Variants in INTU observed in about 807,000 individuals in gnomAD.
The protein encoded by INTU is inturned planar cell polarity protein.
In INTU, 68 loss-of-function variants were observed where a neutral mutation model predicts 100.5. The ratio of observed to expected loss-of-function variants is 0.68; its 90% CI spans 0.56 to 0.83. The LOEUF (loss-of-function observed/expected upper bound fraction) is 0.83. Among genes scored for constraint, INTU ranks in the 40% least tolerant of loss-of-function variants. The pLI, the probability that INTU is intolerant of heterozygous loss-of-function variation, is 0.00. For missense variants in INTU, 1,071 were observed against 1,114.7 expected (o/e 0.96, Z 0.56); for synonymous variants, 357 against 395.7 (o/e 0.90, Z 1.16).
At chr4:127,704,375 A>G in intron 10 of INTU, 85 bp downstream of exon 10, 1 of 988,674 alleles carries the variant, frequency 1.0e-6, no homozygotes, top group Non-Finnish European at 1.6e-6. Context: ...TGAAAAATAC[A>G]TTTATCTCTT....
At chr4:127,654,429 A>G (rs1401556120) in intron 2 of INTU, among the ~76,000 whole-genome samples, 2 of 151,594 alleles carry the variant, frequency 1.3e-5, no homozygotes, top group Non-Finnish European at 1.5e-5. Context: ...TGGTGACAAA[A>G]TCTCTCAGCA....
At chr4:127,711,588 G>A (rs888139899) in intron 14 of INTU, among the ~76,000 whole-genome samples, 1 of 152,206 alleles carries the variant, frequency 6.6e-6, no homozygotes, top group Non-Finnish European at 1.5e-5. Context: ...ACAGCAGGAG[G>A]TGAGTGGCGG....
chr4:127,681,949 G>C (rs1451373268), intron 6 of INTU, among the ~76,000 whole-genome samples: 18 of 151,956 alleles, frequency 1.2e-4, no homozygotes, highest in Admixed American at 1.2e-3. Flanking sequence ...CGAAGGACAT[G>C]AACAGATACT....
chr4:127,697,299 C>T (rs548121543), intron 8 of INTU, among the ~76,000 whole-genome samples: 13 of 152,224 alleles, frequency 8.5e-5, no homozygotes, highest in African/African-American at 3.1e-4. Context: ...TTCTCTCTTT[C>T]CTCTCCCAAT....
intron 15 of INTU, among the ~76,000 whole-genome samples, chr4:127,715,389 C>A (rs114159895): frequency 6.6e-6 from 1 of 152,238 alleles, no homozygotes; most frequent in South Asian, 2.1e-4. Flanking sequence ...CAGACATTAT[C>A]CAAAGCAGAA....
intron 9 of INTU, among the ~76,000 whole-genome samples, chr4:127,701,801 A>G (rs1730662237): frequency 6.6e-6 from 1 of 152,172 alleles, no homozygotes; most frequent in African/African-American, 2.4e-5. Context: ...ATGGGAAGTA[A>G]GGAGGTAAAA....
At position 127,722,214 on chromosome 4, in the gene INTU, C is replaced by G. The variant is rs1046868844; in HGVS notation, c.*5778C>G. 1.1e-4 allele frequency: 16 copies of G among 152,366 alleles called. No individual in the cohort carries two copies. Among genetic ancestry groups the G allele is most frequent in the Admixed American group, 1.0e-3 (16 of 15,284 alleles). The allele number at this position is 152,366 out of a possible 1,614,324, so 9.4% of individuals were successfully genotyped here. A position where few individuals can be genotyped will look rare whatever the true frequency, so the allele number is the denominator to read the frequency against. On this transcript the variant is annotated 3_prime_UTR_variant, in exon 16 of 16. Transcript: ENST00000335251. ...GTCAGGCCCCTCTTCTGCAGAGCTG[C>G]TGCAGTTTGCCTGGGGTCCACTCTA...
chr4:127,693,277 T>A (rs1305564493), intron 8 of INTU, among the ~76,000 whole-genome samples: 2 of 152,112 alleles, frequency 1.3e-5, no homozygotes, highest in Non-Finnish European at 2.9e-5. Context: ...TGTAGTTTTC[T>A]TTGTAGAGGT....
At chr4:127,650,686 T>C (rs1727816208) in intron 2 of INTU, among the ~76,000 whole-genome samples, 1 of 151,816 alleles carries the variant, frequency 6.6e-6, no homozygotes, top group African/African-American at 2.4e-5. Context: ...AACATACGTG[T>C]GCATGTGTCT....
intron 9 of INTU, among the ~76,000 whole-genome samples, chr4:127,703,783 A>G (rs566579772): frequency 6.6e-6 from 1 of 152,258 alleles, no homozygotes; most frequent in South Asian, 2.1e-4. Context: ...GTATTCCTGT[A>G]GATTTCTAGA....
Position 127,711,107 on chromosome 4 carries a change from G to A in INTU, c.2559+5G>A. The A allele has an allele frequency of 1.3e-6, 2 of 1,565,752 alleles. No individual in the cohort carries two copies. Among genetic ancestry groups the A allele is most frequent in the Non-Finnish European group, 1.7e-6 (2 of 1,145,642 alleles). On this transcript the variant is annotated splice_donor_5th_base_variant and intron_variant, in intron 14 of 15. Coordinates refer to ENST00000335251, the MANE Select transcript of INTU (RefSeq NM_015693.4). ...CAACAGACATTGGTGGAAGAGGTAGGGCACTGCTATAAATACAGTTTTCTG... is the reference window on the plus strand; with the variant it reads ...CAACAGACATTGGTGGAAGAGGTAGAGCACTGCTATAAATACAGTTTTCTG...
rs1038941626 is a variant in INTU, at chr4:127,687,937, T to C, written c.1449+70T>C. 61 of 1,060,388 alleles carry C rather than the reference T, an allele frequency of 5.8e-5. No homozygotes were observed. In the African/African-American group the frequency reaches 8.0e-4, roughly 14 times the overall value. 65.7% of individuals were successfully genotyped at this position (1,060,388 alleles called of 1,614,324 possible). ...TTATAATCTTGTATCTTCTCTTTTT[T>C]TCGTAGACTTTTTGTTATTTTTGGA... On this transcript the variant is annotated intron_variant, in intron 8 of 15. Coordinates refer to ENST00000335251, the MANE Select transcript of INTU (RefSeq NM_015693.4).
At chr4:127,687,510 T>G in intron 7 of INTU, 168 bp from the exon 8 acceptor site, 1 of 505,038 alleles carries the variant, frequency 2.0e-6, no homozygotes, top group Non-Finnish European at 3.5e-6. Context: ...CAGGGTAAAT[T>G]TCTTTACACA....
intron 9 of INTU, among the ~76,000 whole-genome samples, chr4:127,701,305 G>A (rs1730638560): frequency 6.6e-6 from 1 of 152,164 alleles, no homozygotes; most frequent in African/African-American, 2.4e-5. Flanking sequence ...GGGGAGAAGG[G>A]AGAGAAGTTG....
chr4:127,691,541 T>C (rs1342518739), intron 8 of INTU, among the ~76,000 whole-genome samples: 1 of 152,188 alleles, frequency 6.6e-6, no homozygotes. Context: ...TTCATGTGCT[T>C]ATTTGCCTTC....
rs149885527 is a variant in INTU at position 127,709,837 on chromosome 4, C to G, written c.2370-1076C>G. 6.3e-4 allele frequency among the ~76,000 whole-genome samples: 96 copies of G among 151,994 alleles called. No homozygotes were observed. The Middle Eastern group carries it at 0.041, about 65-fold the overall frequency. On this transcript the variant is annotated intron_variant, in intron 13 of 15. Transcript: ENST00000335251. ...AGTTGTTAGAAAATTCTTTTTTTCT[C>G]AAGTCAAGACAAAAACAAAGTAACT...
intron 1 of INTU, among the ~76,000 whole-genome samples, chr4:127,634,276 G>T (rs1189371755): frequency 1.3e-5 from 2 of 152,200 alleles, no homozygotes; most frequent in Non-Finnish European, 2.9e-5. Context: ...ACACAAGGCT[G>T]CTGGAAGGAA....
chr4:127,681,336 T>TACCTG (rs200101916), intron 6 of INTU, among the ~76,000 whole-genome samples: 8,684 of 152,202 alleles, frequency 0.057, 793 homozygotes, highest in African/African-American at 0.2. Flanking sequence ...GGCATCACCC[T>TACCTG]ACCTGACTTC....
At chr4:127,673,550 CTT>C (rs541112035) in intron 5 of INTU, among the ~76,000 whole-genome samples, 1 of 144,590 alleles carries the variant, frequency 6.9e-6, no homozygotes, top group Non-Finnish European at 1.5e-5. Context: ...AGAATTTCAA[CTT>C]TTTTTTTTTT....
Sources: allele counts gnomAD v4.1 joint callset (sites outside exome capture counted in the v4.1 genomes callset), GRCh38; gene constraint gnomAD v4.1.1; transcripts MANE v1.5; gene names NCBI Gene and HGNC (gene_info 2026-07-23, HGNC 2026-07-21).